The following ANKDD1A variants were observed in gnomAD, a reference collection of about 807,000 sequenced individuals.
ANKDD1A encodes the protein ankyrin repeat and death domain-containing protein 1A.
A neutral mutation model predicts 63.5 loss-of-function variants in ANKDD1A; 59 were observed. The ratio of observed to expected loss-of-function variants is 0.93; its 90% CI spans 0.75 to 1.15. ANKDD1A has a LOEUF of 1.15. Among genes scored for constraint, ANKDD1A ranks in the 50% most tolerant of loss-of-function variants. The pLI is 0.00. For missense variants in ANKDD1A, 632 were observed against 656.4 expected (o/e 0.96, Z 0.41); for synonymous variants, 266 against 263.9 (o/e 1.01, Z -0.08).
rs1195971162 is a variant in ANKDD1A, at chr15:64,949,926, A to C, written c.1437A>C (p.Lys479Asn). The C allele has an allele frequency of 1.2e-6, 2 of 1,609,416 alleles. No homozygotes were observed. Among genetic ancestry groups the C allele is most frequent in the African/African-American group, 2.7e-5 (2 of 74,914 alleles). Residue 479 changes from lysine to asparagine, a missense_variant, in exon 14 of 15, where the codon AAA (lysine) becomes AAC (asparagine). Lys to Asn is a moderately conservative substitution (Grantham distance 94). Coordinates refer to ENST00000319580, the MANE Select transcript of ANKDD1A (RefSeq NM_182703.6). ...CCACGGCTGGTGAGAACCCCAGCAA[A>C]GCGCTGTTCGAGGGCCTCGTGGCCA... The part of the protein sequence containing the change: ...GVATAGENPS[K>N]ALFEGLVAIG...
chr15:64,953,633 T>C (rs1386279588), intron 14 of ANKDD1A, among the ~76,000 whole-genome samples: 1 of 4,642 alleles, frequency 2.2e-4, no homozygotes, highest in Non-Finnish European at 4.6e-3. Context: ...TCTTCTTCCT[T>C]CTTCTTCCTC....
At chr15:64,926,740 T>C (rs1183462231) in intron 5 of ANKDD1A, among the ~76,000 whole-genome samples, 161 bp from the exon 6 acceptor site, 1 of 152,074 alleles carries the variant, frequency 6.6e-6, no homozygotes, top group East Asian at 1.9e-4. Flanking sequence ...GGTCTGGGCT[T>C]TCCAGGCAGG....
chr15:64,952,418 C>T (rs2085308096), intron 14 of ANKDD1A, among the ~76,000 whole-genome samples: 3 of 6,490 alleles, frequency 4.6e-4, no homozygotes, highest in Admixed American at 1.2e-3. Flanking sequence ...TCTTCTCCTT[C>T]TTAGTTTTCT....
In ANKDD1A at chr15:64,921,979, T is replaced by C; in HGVS notation, c.326T>C (p.Ile109Thr). ...TTCGGCCACTTACGAATCCTCCAGA[T>C]CTTGGTAAACTCAGGGGCCAAGATC... Reference protein sequence around the residue: ...AWFGHLRILQILVNSGAKIHC... With the variant: ...AWFGHLRILQTLVNSGAKIHC... The change falls in exon 4 of 15, where the codon ATC (isoleucine) becomes ACC (threonine). Residue 109 changes from isoleucine (I) to threonine (T), a missense_variant. Physicochemically the swap from Ile to Thr is moderately conservative, Grantham distance 89. Transcript: ENST00000319580. The C allele has an allele frequency of 1.2e-6, 2 of 1,614,184 alleles. No individual in the cohort carries two copies. The highest frequency in any genetic ancestry group is 1.7e-6 in the Non-Finnish European group (2 of 1,180,030).
chr15:64,922,787 G>C (rs1054762366), intron 4 of ANKDD1A, among the ~76,000 whole-genome samples: 1 of 152,130 alleles, frequency 6.6e-6, no homozygotes, highest in African/African-American at 2.4e-5. Flanking sequence ...GACTATAGGC[G>C]CGTGCCACCA....
chr15:64,921,854 C>T, intron 3 of ANKDD1A, 67 bp from the exon 4 acceptor site: 1 of 1,404,690 alleles, frequency 7.1e-7, no homozygotes. Flanking sequence ...TCATAAGGCA[C>T]AGGGCCTGGC....
At position 64,948,379 on chromosome 15, in the gene ANKDD1A, A is replaced by G. The variant is rs989425792; in HGVS notation, c.1351+786A>G. On this transcript the variant is annotated intron_variant, in intron 13 of 14. Coordinates refer to ENST00000319580, the MANE Select transcript of ANKDD1A (RefSeq NM_182703.6). ...TTAAAACTTTGATCTAATTTTAATCAAAATAGGTTTTTGAAACTTGACTGA... is the reference window on the plus strand; with the variant it reads ...TTAAAACTTTGATCTAATTTTAATCGAAATAGGTTTTTGAAACTTGACTGA... Among the ~76,000 whole-genome samples the G allele has an allele frequency of 5.3e-5, 8 of 152,350 alleles. No homozygotes were observed. In the East Asian group the frequency reaches 1.5e-3, roughly 29 times the overall value.
In ANKDD1A at chr15:64,950,092, G is replaced by C; in HGVS notation, c.1483+120G>C. On this transcript the variant is annotated intron_variant, in intron 14 of 14. Coordinates refer to ENST00000319580, the MANE Select transcript of ANKDD1A (RefSeq NM_182703.6). Reference sequence around the variant, plus strand: ...TGTGATGCTGGCTCTAGGCCTTCCAGATTCCTACCCCTAGCCCTGCCCTCT... The same window carrying C: ...TGTGATGCTGGCTCTAGGCCTTCCACATTCCTACCCCTAGCCCTGCCCTCT... 10 of 1,516,906 alleles carry C rather than the reference G, an allele frequency of 6.6e-6. No homozygotes were observed. In the South Asian group the frequency reaches 1.2e-4, roughly 19 times the overall value. 94.0% of individuals were successfully genotyped at this position (1,516,906 alleles called of 1,614,324 possible).
intron 12 of ANKDD1A, among the ~76,000 whole-genome samples, chr15:64,947,015 G>A (rs950908821): frequency 2.0e-5 from 3 of 152,180 alleles, no homozygotes; most frequent in African/African-American, 7.2e-5. Context: ...GCCCTGCCTG[G>A]TTTTGGCCAA....
chr15:64,925,165 T>G (rs530073422), intron 4 of ANKDD1A, among the ~76,000 whole-genome samples: 14 of 147,416 alleles, frequency 9.5e-5, no homozygotes, highest in Admixed American at 3.4e-4. Context: ...GAGGTGGAAG[T>G]TGCAGTGAGC....
intron 9 of ANKDD1A, among the ~76,000 whole-genome samples, chr15:64,938,132 A>T (rs1453660299): frequency 6.6e-6 from 1 of 152,258 alleles, no homozygotes; most frequent in East Asian, 1.9e-4. Context: ...TGATTGAATA[A>T]GTAAATGGAG....
At chr15:64,938,416 A>G (rs902624638) in intron 9 of ANKDD1A, among the ~76,000 whole-genome samples, 1 of 152,192 alleles carries the variant, frequency 6.6e-6, no homozygotes, top group Non-Finnish European at 1.5e-5. Context: ...TGAAAATGAT[A>G]CTTTATCTCT....
At chr15:64,953,623 TCTTCTTCC>T (rs2140391129) in intron 14 of ANKDD1A, among the ~76,000 whole-genome samples, 1 of 93,936 alleles carries the variant, frequency 1.1e-5, no homozygotes, top group South Asian at 2.9e-4. Flanking sequence ...TCCTTCTTCT[TCTTCTTCC>T]TTCTTCTTCC....
At chr15:64,915,685 T>C (rs1472273246) in intron 1 of ANKDD1A, 112 bp from the exon 2 acceptor site, 1 of 881,788 alleles carries the variant, frequency 1.1e-6, no homozygotes, top group Admixed American at 2.0e-5. Context: ...TGTTCCTAGC[T>C]GAAAGACCCC....
At position 64,915,875 on chromosome 15, in the gene ANKDD1A, G is replaced by T; in HGVS notation, c.113G>T (p.Arg38Met). The T allele has an allele frequency of 6.2e-7, 1 of 1,613,936 alleles. No individual in the cohort carries two copies. The highest frequency in any genetic ancestry group is 8.5e-7 in the Non-Finnish European group (1 of 1,179,920). The stretch of plus-strand genomic sequence containing the variant: ...AGGATGCAGGAGCTGATTGGGAGGA[G>T]GGTTAACACCAGGGCCAGAAACCAC... The part of the protein sequence containing the change: ...VGRMQELIGR[R>M]VNTRARNHVG... Residue 38 changes from arginine to methionine, a missense_variant, in exon 2 of 15, where the codon AGG (arginine) becomes ATG (methionine). Arg to Met is a moderately conservative substitution (Grantham distance 91). Coordinates refer to ENST00000319580, the MANE Select transcript of ANKDD1A (RefSeq NM_182703.6).
chr15:64,929,538 G>A (rs1010981486), intron 6 of ANKDD1A, among the ~76,000 whole-genome samples: 3 of 152,014 alleles, frequency 2.0e-5, no homozygotes, highest in African/African-American at 4.8e-5. Context: ...TACAAAGTAC[G>A]TTGCGCCCTC....
intron 14 of ANKDD1A, chr15:64,950,817 C>G: frequency 9.6e-7 from 1 of 1,047,044 alleles, no homozygotes; most frequent in Non-Finnish European, 1.2e-6. Flanking sequence ...GGGACGCTAC[C>G]TTTCTTTCCC....
chr15:64,947,904 A>G (rs2085236815), intron 13 of ANKDD1A, among the ~76,000 whole-genome samples: 1 of 152,258 alleles, frequency 6.6e-6, no homozygotes, highest in Non-Finnish European at 1.5e-5. Context: ...CTATTATTCA[A>G]CATCTATATG....
At chr15:64,914,918 G>A (rs1394150435) in intron 1 of ANKDD1A, among the ~76,000 whole-genome samples, 2 of 152,196 alleles carry the variant, frequency 1.3e-5, no homozygotes, top group African/African-American at 2.4e-5. Context: ...AGCGATGGGG[G>A]TGAGAGGAGC....
Sources: allele counts gnomAD v4.1 joint callset (sites outside exome capture counted in the v4.1 genomes callset), GRCh38; gene constraint gnomAD v4.1.1; transcripts MANE v1.5; gene names NCBI Gene and HGNC (gene_info 2026-07-23, HGNC 2026-07-21).